NTRK2: variants seen among roughly 807,000 people sequenced by gnomAD.
The protein encoded by NTRK2 is BDNF/NT-3 growth factors receptor.
In NTRK2, 13 loss-of-function variants were observed where a neutral mutation model predicts 94.5. That is an observed-to-expected ratio of 0.14 (90% CI 0.09 to 0.22). The LOEUF (loss-of-function observed/expected upper bound fraction) is 0.22. Among genes scored for constraint, NTRK2 ranks in the 10% least tolerant of loss-of-function variants. The probability of loss-of-function intolerance (pLI) is 1.00; values close to 1 mark genes in which losing one functional copy is unlikely to be tolerated. For missense variants in NTRK2, 639 were observed against 1,071.2 expected, an observed-to-expected ratio of 0.60 and a Z score of 5.63; for synonymous variants, 372 against 407.4, an observed-to-expected ratio of 0.91 and a Z score of 1.05.
intron 14 of NTRK2, among the ~76,000 whole-genome samples, chr9:84,886,933 T>C (rs1266401125): frequency 6.6e-6 from 1 of 152,210 alleles, no homozygotes; most frequent in Non-Finnish European, 1.5e-5. Context: ...TGGGTGTAAT[T>C]AGTCAGGCTG....
intron 17 of NTRK2, among the ~76,000 whole-genome samples, chr9:85,018,863 A>G (rs1832528576): frequency 2.0e-5 from 3 of 152,220 alleles, no homozygotes; most frequent in Admixed American, 2.0e-4. Context: ...ATCTAAGGCC[A>G]ATGGAAGCCA....
At chr9:84,946,185 C>A (rs1239797361) in intron 15 of NTRK2, among the ~76,000 whole-genome samples, 3 of 152,166 alleles carry the variant, frequency 2.0e-5, no homozygotes, top group African/African-American at 4.8e-5. Context: ...ACAGATGTTC[C>A]CATTTGCCAT....
intron 14 of NTRK2, chr9:84,876,756 A>G (rs2076082368): frequency 3.8e-6 from 4 of 1,061,458 alleles, no homozygotes; most frequent in Non-Finnish European, 4.6e-6. Flanking sequence ...TATCTACAGA[A>G]ACAATTATCA....
chr9:84,803,206 A>G (rs1391342786), intron 12 of NTRK2, among the ~76,000 whole-genome samples: 2 of 152,178 alleles, frequency 1.3e-5, no homozygotes, highest in Non-Finnish European at 2.9e-5. Flanking sequence ...TGGAAGTTCT[A>G]CTAATGGTTG....
intron 12 of NTRK2, among the ~76,000 whole-genome samples, chr9:84,762,023 GT>G (rs531733462): frequency 2.1e-4 from 32 of 149,002 alleles, no homozygotes; most frequent in South Asian, 8.6e-4. Context: ...ACGATCTGAG[GT>G]TTTTTTTTTA....
intron 16 of NTRK2, among the ~76,000 whole-genome samples, chr9:84,949,151 A>G (rs1359910691): frequency 6.6e-6 from 1 of 152,212 alleles, no homozygotes; most frequent in Non-Finnish European, 1.5e-5. Context: ...CCTAAGGACA[A>G]AAAGAATAAC....
intron 12 of NTRK2, among the ~76,000 whole-genome samples, chr9:84,764,625 G>A (rs1200083941): frequency 6.6e-6 from 1 of 152,144 alleles, no homozygotes; most frequent in Non-Finnish European, 1.5e-5. Flanking sequence ...ATGCAAATTA[G>A]TACAGCCACT....
chr9:84,912,580 ATCT>A (rs1473818218), intron 14 of NTRK2, among the ~76,000 whole-genome samples: 1 of 132,114 alleles, frequency 7.6e-6, no homozygotes, highest in Non-Finnish European at 1.7e-5. Context: ...ATGTTTCTAA[ATCT>A]TCTTCCATCT....
chr9:84,775,286 G>T (rs1199418014), intron 12 of NTRK2, among the ~76,000 whole-genome samples: 1 of 152,252 alleles, frequency 6.6e-6, no homozygotes, highest in Non-Finnish European at 1.5e-5. Flanking sequence ...CAGCAAGGAG[G>T]TGACAGAGCG....
At chr9:84,685,441 C>T (rs998413517) in intron 2 of NTRK2, among the ~76,000 whole-genome samples, 8 of 151,092 alleles carry the variant, frequency 5.3e-5, no homozygotes, top group South Asian at 2.1e-4. Context: ...ATGATTCTAG[C>T]GTGATGATTA....
At chr9:84,866,312 T>C (rs2075591914) in intron 13 of NTRK2, among the ~76,000 whole-genome samples, 2 of 152,338 alleles carry the variant, frequency 1.3e-5, no homozygotes, top group South Asian at 4.1e-4. Context: ...ATGAAGCATA[T>C]TTAAATTTAT....
At chr9:84,820,329 C>T (rs2072720426) in intron 12 of NTRK2, among the ~76,000 whole-genome samples, 1 of 151,936 alleles carries the variant, frequency 6.6e-6, no homozygotes, top group Admixed American at 6.6e-5. Context: ...ACCACCACGC[C>T]TAGCTAATTT....
At chr9:84,814,395 TTC>T (rs947295992) in intron 12 of NTRK2, 2 of 1,064,274 alleles carry the variant, frequency 1.9e-6, no homozygotes, top group African/African-American at 3.3e-5. Context: ...GAAGCCCGCT[TTC>T]TCTCTCCTCT....
At chr9:84,979,382 T>C (rs903785150) in intron 17 of NTRK2, among the ~76,000 whole-genome samples, 1 of 152,216 alleles carries the variant, frequency 6.6e-6, no homozygotes, top group African/African-American at 2.4e-5. Context: ...AAGAACTCAC[T>C]GCAGAAGTGG....
intron 14 of NTRK2, among the ~76,000 whole-genome samples, chr9:84,880,459 C>T (rs1396716974): frequency 6.6e-6 from 1 of 152,136 alleles, no homozygotes; most frequent in African/African-American, 2.4e-5. Flanking sequence ...ACTCCTCTGG[C>T]TCACCTTCTA....
intron 17 of NTRK2, among the ~76,000 whole-genome samples, chr9:84,973,654 C>T (rs1248062258): frequency 6.6e-6 from 1 of 152,142 alleles, no homozygotes; most frequent in East Asian, 1.9e-4. Flanking sequence ...TAAGTGCCAC[C>T]CATGTGATCT....
chr9:84,933,983 ACCTCCGC>A (rs537554467), intron 14 of NTRK2, among the ~76,000 whole-genome samples, 172 bp from the exon 15 acceptor site: 81 of 151,896 alleles, frequency 5.3e-4, no homozygotes, highest in African/African-American at 1.9e-3. Flanking sequence ...AGGTGATGAA[ACCTCCGC>A]CCAGCCATTT....
At chr9:84,671,017 C>A in intron 2 of NTRK2, 57 bp downstream of exon 2, 1 of 1,539,920 alleles carries the variant, frequency 6.5e-7, no homozygotes, top group Non-Finnish European at 8.8e-7. Context: ...CCGAGCTGGC[C>A]AGGTGGGTAG....
At chr9:84,958,554 A>C (rs955392498) in intron 17 of NTRK2, among the ~76,000 whole-genome samples, 3 of 152,132 alleles carry the variant, frequency 2.0e-5, no homozygotes, top group African/African-American at 2.4e-5. Context: ...TGCCATGTTA[A>C]TTTCACCCCC....
Sources: allele counts gnomAD v4.1 joint callset (sites outside exome capture counted in the v4.1 genomes callset), GRCh38; gene constraint gnomAD v4.1.1; transcripts MANE v1.5; gene names NCBI Gene and HGNC (gene_info 2026-07-23, HGNC 2026-07-21).